The following USH2A variants were observed in gnomAD, a reference collection of about 807,000 sequenced individuals.
USH2A encodes the protein Usher syndrome 2A (autosomal recessive, mild).
USH2A carries 443 observed loss-of-function variants against 538.9 expected under a neutral mutation model. That is an observed-to-expected ratio of 0.82 (90% confidence interval 0.76 to 0.89). USH2A has a LOEUF of 0.89. Ranked by LOEUF, USH2A falls within the 40% of genes least tolerant of loss-of-function variation. The pLI, the probability that USH2A is intolerant of heterozygous loss-of-function variation, is 0.00. For synonymous variants in USH2A, 2,413 were observed against 2,273.5 expected (o/e 1.06, Z -1.75); for missense variants, 6,633 against 6,324.8 (o/e 1.05, Z -1.65).
At chr1:215,699,138 T>C (rs2102688141) in intron 61 of USH2A, among the ~76,000 whole-genome samples, 1 of 152,208 alleles carries the variant, frequency 6.6e-6, no homozygotes, top group African/African-American at 2.4e-5. Context: ...TAGATGTATG[T>C]TGTTACTTCT....
chr1:215,844,167 C>T (rs1376715954), intron 46 of USH2A, 127 bp downstream of exon 46: 8 of 997,350 alleles, frequency 8.0e-6, no homozygotes, highest in Non-Finnish European at 1.2e-5. Flanking sequence ...TTTCCCTTCT[C>T]TCTTTTCCCT....
At chr1:215,650,115 C>T (rs1657004413) in intron 65 of USH2A, among the ~76,000 whole-genome samples, 1 of 152,166 alleles carries the variant, frequency 6.6e-6, no homozygotes, top group Admixed American at 6.5e-5. Context: ...CTTGAAATCA[C>T]CAGAGGAATG....
intron 68 of USH2A, among the ~76,000 whole-genome samples, chr1:215,640,035 C>T (rs1022085825): frequency 6.6e-6 from 1 of 152,030 alleles, no homozygotes; most frequent in African/African-American, 2.4e-5. Flanking sequence ...AGAAAAGGGA[C>T]ATGTAAGTAA....
intron 37 of USH2A, among the ~76,000 whole-genome samples, chr1:215,948,425 G>GATATATATATATAT (rs143122492): frequency 2.8e-5 from 4 of 144,550 alleles, no homozygotes; most frequent in African/African-American, 1.0e-4. Flanking sequence ...TATTTGTTCA[G>GATATATATATATAT]ATATATATAT....
chr1:216,162,919 T>G (rs563381822), intron 21 of USH2A, among the ~76,000 whole-genome samples: 1 of 152,138 alleles, frequency 6.6e-6, no homozygotes, highest in East Asian at 1.9e-4. Context: ...TTACACAGAA[T>G]TTTTGAATTA....
intron 9 of USH2A, among the ~76,000 whole-genome samples, chr1:216,298,589 G>A (rs995418896): frequency 3.3e-5 from 5 of 152,068 alleles, no homozygotes; most frequent in Admixed American, 1.3e-4. Flanking sequence ...CCTTTCTTTT[G>A]TGGAGAAAAA....
chr1:215,830,259 A>G (rs1322404081), intron 47 of USH2A, among the ~76,000 whole-genome samples: 2 of 151,610 alleles, frequency 1.3e-5, no homozygotes, highest in East Asian at 3.9e-4. Context: ...TATAGGGAAA[A>G]CCCCCATTTT....
intron 9 of USH2A, among the ~76,000 whole-genome samples, chr1:216,298,646 C>T (rs1203787195): frequency 6.6e-6 from 1 of 152,128 alleles, no homozygotes; most frequent in Non-Finnish European, 1.5e-5. Context: ...CTGAAGAAAA[C>T]AAGCATAGCT....
chr1:216,293,753 C>G (rs1322866130), intron 9 of USH2A, among the ~76,000 whole-genome samples: 1 of 152,150 alleles, frequency 6.6e-6, no homozygotes, highest in Non-Finnish European at 1.5e-5. Flanking sequence ...CGCTTCTCTT[C>G]TATAAATAAA....
Position 216,084,797 on chromosome 1 carries a change from G to A in USH2A, c.5068C>T (p.Pro1690Ser). The A allele has an allele frequency of 6.2e-7, 1 of 1,613,550 alleles. No individual in the cohort carries two copies. Among genetic ancestry groups the A allele is most frequent in the Non-Finnish European group, 8.5e-7 (1 of 1,179,694 alleles). ...TCTTCAGAACTCTGCCAATCCAGAGGTTCCCAAATAGCTGACGGATTGTAA... is the reference window on the plus strand; with the variant it reads ...TCTTCAGAACTCTGCCAATCCAGAGATTCCCAAATAGCTGACGGATTGTAA... ...KNYNPSAIWE[P>S]LDWQSSEEQI... The change falls in exon 25 of 72, where the codon CCT becomes TCT. Residue 1690 changes from proline to serine, a missense_variant. By Grantham distance (74) the Pro-to-Ser change is moderately conservative (BLOSUM62 -1). Transcript: ENST00000307340.
intron 38 of USH2A, among the ~76,000 whole-genome samples, chr1:215,912,087 T>C (rs1359485001): frequency 6.6e-6 from 1 of 152,080 alleles, no homozygotes; most frequent in African/African-American, 2.4e-5. Flanking sequence ...TTGTTATATA[T>C]TCTGGTGATT....
At chr1:216,407,486 T>C (rs193225501) in intron 3 of USH2A, among the ~76,000 whole-genome samples, 1 of 152,244 alleles carries the variant, frequency 6.6e-6, no homozygotes, top group East Asian at 1.9e-4. Flanking sequence ...TTATTATGCA[T>C]CCAGGACACT....
At chr1:216,128,987 T>C (rs553859030) in intron 21 of USH2A, among the ~76,000 whole-genome samples, 36 of 152,204 alleles carry the variant, frequency 2.4e-4, no homozygotes, top group African/African-American at 8.4e-4. Flanking sequence ...TTCTCACCTA[T>C]GAGGGAGAAC....
intron 37 of USH2A, among the ~76,000 whole-genome samples, chr1:215,959,488 T>C (rs1177605195): frequency 6.6e-6 from 1 of 152,102 alleles, no homozygotes; most frequent in African/African-American, 2.4e-5. Context: ...AAAAGTCACC[T>C]AAAACCTGTT....
At chr1:216,017,855 T>C (rs1479435775) in intron 32 of USH2A, among the ~76,000 whole-genome samples, 1 of 152,192 alleles carries the variant, frequency 6.6e-6, no homozygotes, top group Non-Finnish European at 1.5e-5. Context: ...ATTATTTTAA[T>C]ACTATTTCAA....
chr1:216,397,604 G>A (rs1352583041), intron 3 of USH2A, among the ~76,000 whole-genome samples: 3 of 152,182 alleles, frequency 2.0e-5, no homozygotes, highest in Admixed American at 6.5e-5. Flanking sequence ...CTCTTCCAGT[G>A]CAGAATGCCC....
intron 38 of USH2A, among the ~76,000 whole-genome samples, chr1:215,926,867 C>T (rs574344337): frequency 1.2e-4 from 18 of 152,112 alleles, no homozygotes; most frequent in South Asian, 2.1e-4. Flanking sequence ...CTTGGCCTTC[C>T]GAAGTGCTGG....
At chr1:215,746,388 A>G (rs1175268986) in intron 58 of USH2A, among the ~76,000 whole-genome samples, 1 of 152,208 alleles carries the variant, frequency 6.6e-6, no homozygotes, top group African/African-American at 2.4e-5. Flanking sequence ...ATTGTAAAGT[A>G]AAGATTCATT....
At chr1:216,277,518 A>G (rs2102589876) in intron 11 of USH2A, among the ~76,000 whole-genome samples, 1 of 152,192 alleles carries the variant, frequency 6.6e-6, no homozygotes, top group Non-Finnish European at 1.5e-5. Flanking sequence ...GGTCCTCATT[A>G]AACAGAAGTT....
Sources: gnomAD v4.1 joint callset for allele counts (sites outside exome capture counted in the v4.1 genomes callset) on GRCh38, gnomAD v4.1.1 for gene constraint, MANE v1.5 for transcripts, NCBI Gene and HGNC (gene_info 2026-07-23, HGNC 2026-07-21) for gene names.